ADAMTSL3: variants seen among roughly 807,000 people sequenced by gnomAD.
ADAMTSL3 encodes the protein ADAMTS like 3.
Under a neutral mutation model 201.7 loss-of-function variants are expected in ADAMTSL3, and 128 were observed. The observed-to-expected ratio is 0.63, with a 90% CI of 0.55 to 0.73. ADAMTSL3 has a LOEUF of 0.73. ADAMTSL3 is among the 30% of genes least tolerant of loss of function. The pLI is 0.00. For synonymous variants in ADAMTSL3, 738 were observed against 748.4 expected, an observed-to-expected ratio of 0.99 and a Z score of 0.23; for missense variants, 1,990 against 2,119.6, an observed-to-expected ratio of 0.94 and a Z score of 1.20.
intron 5 of ADAMTSL3, among the ~76,000 whole-genome samples, chr15:83,814,286 G>A (rs1204116620): frequency 6.6e-6 from 1 of 152,124 alleles, no homozygotes; most frequent in Non-Finnish European, 1.5e-5. Flanking sequence ...CAGACTTCCA[G>A]GCCATCTTGC....
intron 3 of ADAMTSL3, among the ~76,000 whole-genome samples, chr15:83,745,242 G>T (rs540629813): frequency 1.3e-5 from 2 of 152,112 alleles, no homozygotes; most frequent in African/African-American, 4.8e-5. Context: ...AGACACTTTC[G>T]TCGGCAATAA....
intron 9 of ADAMTSL3, among the ~76,000 whole-genome samples, chr15:83,881,271 A>G (rs1417075749): frequency 6.6e-6 from 1 of 152,190 alleles, no homozygotes; most frequent in Non-Finnish European, 1.5e-5. Flanking sequence ...CCTATGATAG[A>G]ACTTTCTAGG....
intron 28 of ADAMTSL3, among the ~76,000 whole-genome samples, chr15:84,034,469 AG>A (rs1301213298): frequency 6.6e-6 from 1 of 152,092 alleles, no homozygotes; most frequent in East Asian, 1.9e-4. Context: ...AAAGTTGTAG[AG>A]GGAATGGGAA....
chr15:83,878,626 T>A (rs1196547719), intron 9 of ADAMTSL3, among the ~76,000 whole-genome samples: 1 of 148,856 alleles, frequency 6.7e-6, no homozygotes, highest in Non-Finnish European at 1.5e-5. Flanking sequence ...AAAAAAAAAA[T>A]AGAATTCATT....
chr15:83,840,714 G>T (rs2081040837), intron 7 of ADAMTSL3, among the ~76,000 whole-genome samples: 2 of 152,214 alleles, frequency 1.3e-5, no homozygotes, highest in Admixed American at 6.5e-5. Context: ...ATTCATGGAG[G>T]TTCCAATTTT....
chr15:83,728,741 G>A lies in ADAMTSL3; in HGVS notation c.189+24233G>A, dbSNP rs186674619. Among the ~76,000 whole-genome samples the A allele has an allele frequency of 1.1e-3, 161 of 151,932 alleles. 1 individual carries two copies. Among genetic ancestry groups the A allele is most frequent in the African/African-American group, 3.8e-3 (156 of 41,474 alleles). On this transcript the variant is annotated intron_variant, in intron 3 of 29. Coordinates refer to ENST00000286744, the MANE Select transcript of ADAMTSL3 (RefSeq NM_207517.3). ...AAAGTTGTAGTTATTATTTTTGATA[G>A]GTTCATCTTTTAATCTTTCTACTCA... is the stretch of plus-strand genomic sequence containing the variant.
At chr15:83,973,006 G>A (rs1052425373) in intron 20 of ADAMTSL3, among the ~76,000 whole-genome samples, 2 of 152,088 alleles carry the variant, frequency 1.3e-5, no homozygotes, top group African/African-American at 2.4e-5. Flanking sequence ...GGCACCATGT[G>A]CAGACCCTAC....
intron 4 of ADAMTSL3, among the ~76,000 whole-genome samples, chr15:83,797,407 G>A (rs2063443878): frequency 6.6e-6 from 1 of 152,146 alleles, no homozygotes; most frequent in Non-Finnish European, 1.5e-5. Context: ...GCGGTCAGGA[G>A]TTTGAGACCA....
chr15:83,686,736 G>A (rs771905253), intron 2 of ADAMTSL3, among the ~76,000 whole-genome samples: 33 of 152,136 alleles, frequency 2.2e-4, no homozygotes, highest in Non-Finnish European at 4.4e-4. Context: ...TGAGTAAAAT[G>A]TATTGGAAAC....
At chr15:83,932,086 C>T (rs1183304490) in intron 17 of ADAMTSL3, among the ~76,000 whole-genome samples, 2 of 152,078 alleles carry the variant, frequency 1.3e-5, no homozygotes, top group Non-Finnish European at 2.9e-5. Flanking sequence ...TAACTACAAA[C>T]AACTTATCAA....
intron 2 of ADAMTSL3, among the ~76,000 whole-genome samples, chr15:83,671,951 C>T (rs1287227992): frequency 6.6e-6 from 1 of 152,182 alleles, no homozygotes; most frequent in Non-Finnish European, 1.5e-5. Flanking sequence ...TTAGTTTTTA[C>T]AATATTATCA....
chr15:83,980,340 C>G (rs2067364209), intron 20 of ADAMTSL3, among the ~76,000 whole-genome samples: 1 of 152,168 alleles, frequency 6.6e-6, no homozygotes, highest in Admixed American at 6.5e-5. Context: ...CAGACACATT[C>G]TGTTGATTGA....
In ADAMTSL3 at chr15:83,768,699, G is replaced by A. The variant is rs1331000601; in HGVS notation, c.190-4824G>A. Among the ~76,000 whole-genome samples, 9 of 152,212 alleles carry A rather than the reference G, an allele frequency of 5.9e-5. 1 individual carries two copies. Among genetic ancestry groups the A allele is most frequent in the Admixed American group, 5.9e-4 (9 of 15,276 alleles). On this transcript the variant is annotated intron_variant, in intron 3 of 29. Transcript: ENST00000286744. ...GAAGCAGGTTCTGTTTCACTGCAAG[G>A]AAGACGACGCAAACATACATTTTCA...
At chr15:83,824,144 A>G (rs535960971) in intron 6 of ADAMTSL3, among the ~76,000 whole-genome samples, 12 of 151,510 alleles carry the variant, frequency 7.9e-5, no homozygotes, top group East Asian at 1.9e-4. Flanking sequence ...CCTGGGCTCA[A>G]TCGATCCTCC....
chr15:83,971,558 CAA>C (rs68134290), intron 20 of ADAMTSL3, among the ~76,000 whole-genome samples: 2 of 63,918 alleles, frequency 3.1e-5, no homozygotes, highest in Non-Finnish European at 5.9e-5. Flanking sequence ...GACTCTGTCT[CAA>C]AAAAAAAAAA....
chr15:83,832,756 A>G (rs573502946), intron 6 of ADAMTSL3, among the ~76,000 whole-genome samples: 1 of 152,266 alleles, frequency 6.6e-6, no homozygotes, highest in Admixed American at 6.5e-5. Flanking sequence ...AAATGTCTGT[A>G]TAGTTTTCTC....
At chr15:83,790,333 A>T (rs2063325328) in intron 4 of ADAMTSL3, among the ~76,000 whole-genome samples, 1 of 150,642 alleles carries the variant, frequency 6.6e-6, no homozygotes, top group Non-Finnish European at 1.5e-5. Flanking sequence ...AAAATTATTA[A>T]TACAATCCTG....
At chr15:83,812,517 G>A (rs1054383139) in intron 5 of ADAMTSL3, among the ~76,000 whole-genome samples, 1 of 152,144 alleles carries the variant, frequency 6.6e-6, no homozygotes, top group Non-Finnish European at 1.5e-5. Flanking sequence ...ATTAAGGGAC[G>A]GCAGGGTCTT....
At chr15:83,758,152 T>C (rs2062750683) in intron 3 of ADAMTSL3, among the ~76,000 whole-genome samples, 1 of 152,180 alleles carries the variant, frequency 6.6e-6, no homozygotes. Context: ...ACTCTACCAG[T>C]ACCAATTTAC....
Sources: gnomAD v4.1 joint callset for allele counts (sites outside exome capture counted in the v4.1 genomes callset) on GRCh38, gnomAD v4.1.1 for gene constraint, MANE v1.5 for transcripts, NCBI Gene and HGNC (gene_info 2026-07-23, HGNC 2026-07-21) for gene names.